The following FARS2 variants were observed in gnomAD, a reference collection of about 807,000 sequenced individuals.
FARS2 encodes phenylalanine--tRNA ligase, mitochondrial.
Under a neutral mutation model 46.4 loss-of-function variants are expected in FARS2, and 40 were observed. The observed-to-expected ratio is 0.86, with a 90% CI of 0.67 to 1.12. The LOEUF is 1.12. FARS2 is among the 50% of genes most tolerant of loss of function. The pLI, the probability that FARS2 is intolerant of heterozygous loss-of-function variation, is 0.00. For synonymous variants in FARS2, 234 were observed against 214.9 expected, an observed-to-expected ratio of 1.09 and a Z score of -0.78; for missense variants, 513 against 567.9, an observed-to-expected ratio of 0.90 and a Z score of 0.98.
intron 4 of FARS2, chr6:5,451,723 TCAG>T (rs1182615141): frequency 2.0e-5 from 3 of 152,246 alleles, no homozygotes; most frequent in African/African-American, 7.2e-5. Context: ...TATGGTTTAT[TCAG>T]CAGGCATTTT....
In FARS2 at chr6:5,322,965, C is replaced by G. The variant is rs146656186; in HGVS notation, c.-21-45585C>G. On this transcript the variant is annotated intron_variant, in intron 1 of 6. Coordinates refer to ENST00000274680, the MANE Select transcript of FARS2 (RefSeq NM_006567.5). ...GTTTCATCATTTCACAGCGATAGCT[C>G]CCATCTTCAGTCCTTACCAAAAACA... is the stretch of plus-strand genomic sequence containing the variant. Among the ~76,000 whole-genome samples the G allele has an allele frequency of 6.4e-3, 980 of 152,240 alleles. 19 individuals carry two copies. The highest frequency in any genetic ancestry group is 0.023 in the African/African-American group (942 of 41,550).
At chr6:5,396,567 C>G (rs562303132) in intron 2 of FARS2, among the ~76,000 whole-genome samples, 5 of 152,140 alleles carry the variant, frequency 3.3e-5, no homozygotes, top group Non-Finnish European at 5.9e-5. Context: ...CTTTCACAGA[C>G]TAGATATGCT....
intron 1 of FARS2, among the ~76,000 whole-genome samples, chr6:5,358,079 A>T (rs1255033616): frequency 6.6e-6 from 1 of 152,246 alleles, no homozygotes; most frequent in Non-Finnish European, 1.5e-5. Context: ...CAATTTATTT[A>T]GAATATTCAG....
At chr6:5,281,254 G>A (rs1766703337) in intron 1 of FARS2, among the ~76,000 whole-genome samples, 1 of 152,174 alleles carries the variant, frequency 6.6e-6, no homozygotes, top group South Asian at 2.1e-4. Flanking sequence ...GTGAAGGTAA[G>A]ACTTAAAAAG....
intron 2 of FARS2, among the ~76,000 whole-genome samples, chr6:5,392,969 A>T (rs1760666258): frequency 1.3e-5 from 2 of 148,366 alleles, no homozygotes; most frequent in South Asian, 4.2e-4. Context: ...AAATATATTG[A>T]TTTTAAATAT....
intron 6 of FARS2, among the ~76,000 whole-genome samples, chr6:5,651,025 A>G (rs968019315): frequency 1.3e-5 from 2 of 152,216 alleles, no homozygotes; most frequent in Admixed American, 6.5e-5. Flanking sequence ...GATTGAACAT[A>G]AGCTTTAACC....
At chr6:5,372,408 T>G (rs1254622637) in intron 2 of FARS2, among the ~76,000 whole-genome samples, 1 of 152,122 alleles carries the variant, frequency 6.6e-6, no homozygotes, top group East Asian at 1.9e-4. Flanking sequence ...ACATGGAGTT[T>G]TATATGCAAA....
At chr6:5,259,001 G>A (rs1243328324), upstream of FARS2, among the ~76,000 whole-genome samples, 1 of 152,230 alleles carries the variant, frequency 6.6e-6, no homozygotes. Context: ...TTTCAGAAAT[G>A]GAAGGGTCCT....
chr6:5,469,429 CT>C (rs1178003786), intron 4 of FARS2, among the ~76,000 whole-genome samples: 1 of 152,200 alleles, frequency 6.6e-6, no homozygotes, highest in Non-Finnish European at 1.5e-5. Context: ...TGGATACCTT[CT>C]TGATTTTCTC....
intron 6 of FARS2, among the ~76,000 whole-genome samples, chr6:5,615,240 A>C (rs1446480269): frequency 2.0e-5 from 3 of 152,192 alleles, no homozygotes; most frequent in Non-Finnish European, 4.4e-5. Context: ...CCAGTTATGC[A>C]TAAGTAGGCT....
upstream of FARS2, chr6:5,260,558 C>T (rs1308223809): frequency 3.3e-6 from 5 of 1,496,916 alleles, no homozygotes; most frequent in Non-Finnish European, 4.5e-6. Flanking sequence ...ACGGTGGCTC[C>T]CAGTCCCCGG....
chr6:5,420,559 G>T (rs1429356812), intron 3 of FARS2, among the ~76,000 whole-genome samples: 1 of 152,240 alleles, frequency 6.6e-6, no homozygotes, highest in Admixed American at 6.5e-5. Flanking sequence ...CCCCATGCAA[G>T]TGTGAAATCC....
intron 6 of FARS2, among the ~76,000 whole-genome samples, chr6:5,656,806 C>G (rs1944292745): frequency 6.6e-6 from 1 of 152,144 alleles, no homozygotes; most frequent in African/African-American, 2.4e-5. Context: ...TCCTCGGCCT[C>G]CCAAAGTGCT....
At chr6:5,387,986 A>C (rs192061624) in intron 2 of FARS2, among the ~76,000 whole-genome samples, 1 of 152,326 alleles carries the variant, frequency 6.6e-6, no homozygotes, top group Non-Finnish European at 1.5e-5. Flanking sequence ...AGTTTATCCT[A>C]TTATTATCAT....
intron 6 of FARS2, among the ~76,000 whole-genome samples, chr6:5,768,927 C>T (rs1345381033): frequency 6.6e-6 from 1 of 151,950 alleles, no homozygotes; most frequent in Non-Finnish European, 1.5e-5. Context: ...CTGTGTGTTC[C>T]TTTTTGACTT....
At chr6:5,386,966 A>G (rs1760173480) in intron 2 of FARS2, among the ~76,000 whole-genome samples, 1 of 152,152 alleles carries the variant, frequency 6.6e-6, no homozygotes, top group Non-Finnish European at 1.5e-5. Context: ...TACGCAGGGT[A>G]AAGACTGTAG....
chr6:5,380,599 A>G (rs1759691650), intron 2 of FARS2, among the ~76,000 whole-genome samples: 1 of 152,202 alleles, frequency 6.6e-6, no homozygotes, highest in Non-Finnish European at 1.5e-5. Context: ...GCCAGCCTCA[A>G]AAATGGCTAG....
chr6:5,346,031 G>A (rs550968257), intron 1 of FARS2, among the ~76,000 whole-genome samples: 13 of 152,326 alleles, frequency 8.5e-5, no homozygotes, highest in African/African-American at 2.9e-4. Context: ...CAGGCCTGGA[G>A]CAGCAGTGCT....
intron 6 of FARS2, among the ~76,000 whole-genome samples, chr6:5,752,870 C>T (rs1322630798): frequency 2.0e-5 from 3 of 151,952 alleles, no homozygotes; most frequent in Middle Eastern, 3.4e-3. Flanking sequence ...CTTGCCCTCC[C>T]CAAGACCCCC....
Sources: gnomAD v4.1 joint callset for allele counts (sites outside exome capture counted in the v4.1 genomes callset) on GRCh38, gnomAD v4.1.1 for gene constraint, MANE v1.5 for transcripts, NCBI Gene and HGNC (gene_info 2026-07-23, HGNC 2026-07-21) for gene names.